IL1RAPL1: variants seen among roughly 807,000 people sequenced by gnomAD.
IL1RAPL1 encodes interleukin 1 receptor accessory protein like 1.
IL1RAPL1 carries 3 observed loss-of-function variants against 48.4 expected under a neutral mutation model. That is an observed-to-expected ratio of 0.06 (90% confidence interval 0.03 to 0.16). IL1RAPL1 has a LOEUF of 0.16. IL1RAPL1 is among the 10% of genes least tolerant of loss of function. The pLI is 1.00. For synonymous variants in IL1RAPL1, 185 were observed against 187.7 expected, an observed-to-expected ratio of 0.99 and a Z score of 0.12; for missense variants, 349 against 530.6, an observed-to-expected ratio of 0.66 and a Z score of 3.36.
At chrX:29,766,401 A>G (rs1467730486) in intron 6 of IL1RAPL1, among the ~76,000 whole-genome samples, 3 of 95,732 alleles carry the variant, frequency 3.1e-5, no homozygotes, top group African/African-American at 1.2e-4. Context: ...TTATATATAT[A>G]TCCAAATATA....
chrX:28,663,536 T>C (rs1239113420), intron 1 of IL1RAPL1, among the ~76,000 whole-genome samples: 1 of 112,399 alleles, frequency 8.9e-6, no homozygotes, highest in African/African-American at 3.2e-5. Flanking sequence ...TGAAATAATA[T>C]ATCTGTGATG....
At chrX:29,882,570 C>G (rs1163779170) in intron 6 of IL1RAPL1, among the ~76,000 whole-genome samples, 2 of 111,397 alleles carry the variant, frequency 1.8e-5, no homozygotes, top group Admixed American at 9.6e-5. Flanking sequence ...TCTTTCACAA[C>G]TACTCAACTG....
chrX:29,301,643 T>G (rs755690573), intron 3 of IL1RAPL1, among the ~76,000 whole-genome samples: 1 of 111,904 alleles, frequency 8.9e-6, no homozygotes, highest in South Asian at 3.7e-4. Flanking sequence ...TTATCGAACA[T>G]CTACTACACA....
chrX:29,185,838 C>T (rs1230097556), intron 2 of IL1RAPL1, among the ~76,000 whole-genome samples: 2 of 91,782 alleles, frequency 2.2e-5, no homozygotes, highest in African/African-American at 7.9e-5. Context: ...ATCATGGTGT[C>T]ACAGCAGCAA....
chrX:28,960,038 C>G (rs754871448), intron 2 of IL1RAPL1, among the ~76,000 whole-genome samples: 1 of 112,039 alleles, frequency 8.9e-6, no homozygotes, highest in African/African-American at 3.2e-5. Context: ...GATAAAGATA[C>G]AGTTGCATAT....
chrX:29,825,134 G>A (rs893217216), intron 6 of IL1RAPL1, among the ~76,000 whole-genome samples: 2 of 110,649 alleles, frequency 1.8e-5, no homozygotes, highest in African/African-American at 6.6e-5. Flanking sequence ...ATATTTCCAA[G>A]TTAAGCAATC....
intron 2 of IL1RAPL1, among the ~76,000 whole-genome samples, chrX:29,225,254 G>A (rs1931055417): frequency 8.9e-6 from 1 of 112,390 alleles, no homozygotes; most frequent in African/African-American, 3.2e-5. Flanking sequence ...TTATTATTAT[G>A]TCATTAAACT....
chrX:29,103,604 A>T (rs1479824614), intron 2 of IL1RAPL1, among the ~76,000 whole-genome samples: 3 of 111,308 alleles, frequency 2.7e-5, no homozygotes, highest in Non-Finnish European at 3.8e-5. Context: ...AGGCAACCAA[A>T]GCAAAAATAG....
intron 2 of IL1RAPL1, among the ~76,000 whole-genome samples, chrX:29,138,792 A>G (rs1269947814): frequency 2.8e-5 from 3 of 108,746 alleles, no homozygotes; most frequent in Non-Finnish European, 5.7e-5. Context: ...AAAAAAAAAA[A>G]AGAAAGAAAA....
intron 5 of IL1RAPL1, among the ~76,000 whole-genome samples, chrX:29,469,038 G>A (rs715328): frequency 0.42 from 46,091 of 110,435 alleles, 7,451 homozygotes; most frequent in East Asian, 0.75. Flanking sequence ...AGATAATAAC[G>A]TCTGCCTCCA....
chrX:28,925,393 A>G (rs958759591), intron 2 of IL1RAPL1, among the ~76,000 whole-genome samples: 1 of 111,841 alleles, frequency 8.9e-6, no homozygotes, highest in Non-Finnish European at 1.9e-5. Context: ...AAATATTTCA[A>G]TAGTAATTCT....
chrX:29,120,360 C>T (rs1035217565), intron 2 of IL1RAPL1, among the ~76,000 whole-genome samples: 11 of 111,852 alleles, frequency 9.8e-5, no homozygotes, highest in African/African-American at 2.9e-4. Flanking sequence ...CTGCATATGA[C>T]TAGCCAGTTA....
intron 1 of IL1RAPL1, among the ~76,000 whole-genome samples, chrX:28,731,488 C>T (rs1353049682): frequency 8.9e-6 from 1 of 112,416 alleles, no homozygotes; most frequent in African/African-American, 3.2e-5. Context: ...TATTACATTT[C>T]TTCTCTTTTG....
chrX:29,076,794 G>C (rs112567179), intron 2 of IL1RAPL1, among the ~76,000 whole-genome samples: 1 of 34,678 alleles, frequency 2.9e-5, no homozygotes, highest in Non-Finnish European at 5.4e-5. Flanking sequence ...CTGTCTGTCT[G>C]TCTGTCTGTC....
chrX:29,835,127 A>G (rs1930964997), intron 6 of IL1RAPL1, among the ~76,000 whole-genome samples: 1 of 112,038 alleles, frequency 8.9e-6, no homozygotes, highest in African/African-American at 3.2e-5. Flanking sequence ...CTTTTCTACA[A>G]TTTACTTTTC....
intron 3 of IL1RAPL1, among the ~76,000 whole-genome samples, chrX:29,306,963 G>A (rs1392165312): frequency 9.1e-6 from 1 of 109,847 alleles, no homozygotes; most frequent in Admixed American, 9.8e-5. Flanking sequence ...AAGCTTTCCA[G>A]ATAATATTTA....
At chrX:29,889,952 T>G (rs1051642183) in intron 6 of IL1RAPL1, among the ~76,000 whole-genome samples, 4 of 110,769 alleles carry the variant, frequency 3.6e-5, no homozygotes, top group Non-Finnish European at 7.5e-5. Context: ...TCATACATGT[T>G]GTGTACATTT....
intron 2 of IL1RAPL1, among the ~76,000 whole-genome samples, chrX:29,210,347 C>T (rs766951339): frequency 3.6e-5 from 4 of 111,833 alleles, no homozygotes; most frequent in Non-Finnish European, 3.8e-5. Flanking sequence ...TAAATCGTGA[C>T]GCTCTTCTGA....
intron 2 of IL1RAPL1, among the ~76,000 whole-genome samples, chrX:28,920,568 G>C (rs1432895460): frequency 9.0e-6 from 1 of 111,703 alleles, no homozygotes; most frequent in Non-Finnish European, 1.9e-5. Flanking sequence ...TGTAGTTTTG[G>C]GGTGTTGTGG....
Sources: gnomAD v4.1 joint callset for allele counts (sites outside exome capture counted in the v4.1 genomes callset) on GRCh38, gnomAD v4.1.1 for gene constraint, MANE v1.5 for transcripts, NCBI Gene and HGNC (gene_info 2026-07-23, HGNC 2026-07-21) for gene names.